The following AATF variants were observed in gnomAD, a reference collection of about 807,000 sequenced individuals.
The protein encoded by AATF is protein AATF.
AATF carries 48 observed loss-of-function variants against 63.7 expected under a neutral mutation model. The ratio of observed to expected loss-of-function variants is 0.75; its 90% CI spans 0.60 to 0.96. The LOEUF is 0.96. Ranked by LOEUF, AATF falls within the 40% of genes least tolerant of loss-of-function variation. The pLI, the probability that AATF is intolerant of heterozygous loss-of-function variation, is 0.00. For synonymous variants in AATF, 258 were observed against 247.7 expected, an observed-to-expected ratio of 1.04 and a Z score of -0.39; for missense variants, 639 against 685.7, an observed-to-expected ratio of 0.93 and a Z score of 0.76.
At position 37,008,961 on chromosome 17, in the gene AATF, T is replaced by G. The variant is rs34841566; in HGVS notation, c.1399-10044T>G. On this transcript the variant is annotated intron_variant, in intron 8 of 11. Coordinates refer to ENST00000619387, the MANE Select transcript of AATF (RefSeq NM_012138.4). ...AAAGAGACTACAGGAAAGGTTAAGG[T>G]TTGTGGGGAGTATAGAGGAAGCACC... Among the ~76,000 whole-genome samples the G allele has an allele frequency of 4.8e-3, 736 of 152,226 alleles. 7 individuals are homozygous for G. Among genetic ancestry groups the G allele is most frequent in the African/African-American group, 0.016 (677 of 41,524 alleles).
chr17:37,009,779 TGCAGTCC>T (rs1179321890), intron 8 of AATF, among the ~76,000 whole-genome samples: 1 of 129,226 alleles, frequency 7.7e-6, no homozygotes, highest in Admixed American at 9.4e-5. Context: ...ATTGCGCCAC[TGCAGTCC>T]GCAGTCTGGC....
chr17:37,038,901 A>G (rs1046673750), intron 11 of AATF, among the ~76,000 whole-genome samples: 2 of 152,220 alleles, frequency 1.3e-5, no homozygotes, highest in Non-Finnish European at 2.9e-5. Context: ...AATGCAATCC[A>G]GCCTTGTAAA....
chr17:36,981,588 C>T lies in AATF; in HGVS notation c.833-5029C>T, dbSNP rs552183470. Among the ~76,000 whole-genome samples the T allele has an allele frequency of 4.6e-5, 7 of 151,662 alleles. 1 individual carries two copies. The South Asian group carries it at 1.0e-3, about 23-fold the overall frequency. ...CCTCCCAAGTATCAGGGACTATAGG[C>T]GTGTGCCACCACGCCTGGCTGATTT... On this transcript the variant is annotated intron_variant, in intron 4 of 11. Transcript: ENST00000619387.
chr17:36,971,529 A>G (rs2071039176), intron 4 of AATF, among the ~76,000 whole-genome samples: 1 of 152,238 alleles, frequency 6.6e-6, no homozygotes, highest in Admixed American at 6.5e-5. Context: ...AAATAAAGCT[A>G]AACATATATT....
At chr17:36,961,784 C>T (rs1333093081) in intron 4 of AATF, among the ~76,000 whole-genome samples, 11 of 152,016 alleles carry the variant, frequency 7.2e-5, no homozygotes, top group Admixed American at 7.2e-4. Flanking sequence ...AAGCAATTCT[C>T]CTGCCTCAGC....
chr17:36,951,078 G>A (rs910557479), intron 2 of AATF, among the ~76,000 whole-genome samples: 1 of 152,166 alleles, frequency 6.6e-6, no homozygotes, highest in African/African-American at 2.4e-5. Flanking sequence ...AAAAGAGTTA[G>A]GAGTCTGTGC....
At chr17:37,038,988 C>T (rs1163006379) in intron 11 of AATF, among the ~76,000 whole-genome samples, 1 of 152,186 alleles carries the variant, frequency 6.6e-6, no homozygotes, top group African/African-American at 2.4e-5. Flanking sequence ...AATTTATCTT[C>T]AGCTTGCCAT....
At chr17:37,020,886 A>G (rs775194483) in intron 9 of AATF, 48 bp from the exon 10 acceptor site, 4 of 1,441,958 alleles carry the variant, frequency 2.8e-6, no homozygotes, top group Non-Finnish European at 2.9e-6. Context: ...AATATGTATA[A>G]CTATTTCTGT....
intron 4 of AATF, among the ~76,000 whole-genome samples, chr17:36,980,707 C>T (rs543005060): frequency 1.3e-5 from 2 of 152,228 alleles, no homozygotes; most frequent in Admixed American, 1.3e-4. Context: ...GTCTTTCCCT[C>T]ACTCTTGTCA....
chr17:37,008,827 G>A (rs1008856628), intron 8 of AATF, among the ~76,000 whole-genome samples: 62 of 152,132 alleles, frequency 4.1e-4, no homozygotes, highest in Non-Finnish European at 2.2e-4. Flanking sequence ...CAGTGTGAGC[G>A]ACAAAGCAAG....
chr17:36,949,334 C>A, intron 1 of AATF, 118 bp downstream of exon 1: 1 of 980,452 alleles, frequency 1.0e-6, no homozygotes, highest in Non-Finnish European at 1.4e-6. Context: ...TCGCTTGGCG[C>A]AGAGGAACGT....
chr17:36,999,870 G>C (rs1349333792), intron 8 of AATF: 1 of 152,488 alleles, frequency 6.6e-6, no homozygotes, highest in Non-Finnish European at 1.5e-5. Context: ...GCGTGTTCCA[G>C]GAAAATCAGG....
chr17:37,014,220 A>G (rs1057192733), intron 8 of AATF, among the ~76,000 whole-genome samples: 1 of 151,754 alleles, frequency 6.6e-6, no homozygotes, highest in African/African-American at 2.4e-5. Context: ...ATGCGCTGAG[A>G]TTGCACCACT....
chr17:36,965,356 C>T (rs1319546649), intron 4 of AATF, among the ~76,000 whole-genome samples: 1 of 152,140 alleles, frequency 6.6e-6, no homozygotes, highest in East Asian at 1.9e-4. Flanking sequence ...GCAATTCCAT[C>T]TCTCCAACCT....
At chr17:37,012,515 C>T (rs1421291314) in intron 8 of AATF, among the ~76,000 whole-genome samples, 3 of 152,146 alleles carry the variant, frequency 2.0e-5, no homozygotes, top group Non-Finnish European at 2.9e-5. Context: ...TTTTGTATCT[C>T]CCAGTGAGGA....
chr17:36,973,359 AGGTC>A, intron 4 of AATF, among the ~76,000 whole-genome samples: 1 of 151,998 alleles, frequency 6.6e-6, no homozygotes, highest in East Asian at 1.9e-4. Context: ...GTAGAAACTG[AGGTC>A]TGCTGTGCCT....
intron 4 of AATF, among the ~76,000 whole-genome samples, chr17:36,961,546 C>T (rs1454651918): frequency 6.6e-6 from 1 of 152,096 alleles, no homozygotes; most frequent in Non-Finnish European, 1.5e-5. Context: ...AATCACAGTT[C>T]ATCTCAATTG....
chr17:37,006,264 G>A (rs529859308), intron 8 of AATF, among the ~76,000 whole-genome samples: 24 of 152,330 alleles, frequency 1.6e-4, no homozygotes, highest in African/African-American at 5.5e-4. Context: ...GAGGTCAGGA[G>A]TTCGAGACCA....
chr17:37,025,144 C>G (rs73985341), intron 10 of AATF, among the ~76,000 whole-genome samples: 2,630 of 152,164 alleles, frequency 0.017, 82 homozygotes, highest in African/African-American at 0.06. Context: ...CCCAGAGTTT[C>G]AGGGAACTAG....
Sources: gnomAD v4.1 joint callset for allele counts (sites outside exome capture counted in the v4.1 genomes callset) on GRCh38, gnomAD v4.1.1 for gene constraint, MANE v1.5 for transcripts, NCBI Gene and HGNC (gene_info 2026-07-23, HGNC 2026-07-21) for gene names.